Variants in CCDC158 observed in about 807,000 individuals in gnomAD.
The protein encoded by CCDC158 is coiled-coil domain-containing protein 158.
In CCDC158, 116 loss-of-function variants were observed where a neutral mutation model predicts 138.6. The observed-to-expected ratio is 0.84, with a 90% CI of 0.72 to 0.98. CCDC158 has a LOEUF of 0.98. Ranked by LOEUF, CCDC158 falls within the 50% of genes least tolerant of loss-of-function variation. CCDC158 has a pLI of 0.00. For missense variants in CCDC158, 1,265 were observed against 1,306.1 expected (o/e 0.97, Z 0.48); for synonymous variants, 436 against 442.4 (o/e 0.99, Z 0.18).
chr4:76,320,431 GA>G (rs1408298253), intron 24 of CCDC158, among the ~76,000 whole-genome samples: 1 of 151,996 alleles, frequency 6.6e-6, no homozygotes, highest in Non-Finnish European at 1.5e-5. Context: ...CACAGAACTG[GA>G]AAAAACATTC....
At chr4:76,377,690 T>G (rs1725843456) in intron 9 of CCDC158, among the ~76,000 whole-genome samples, 1 of 152,186 alleles carries the variant, frequency 6.6e-6, no homozygotes, top group Non-Finnish European at 1.5e-5. Context: ...GAGAAAAGCG[T>G]GTGTTCCTCT....
intron 18 of CCDC158, among the ~76,000 whole-genome samples, chr4:76,335,221 T>C (rs1333976737): frequency 6.6e-6 from 1 of 152,198 alleles, no homozygotes; most frequent in Non-Finnish European, 1.5e-5. Flanking sequence ...AAAACATTTG[T>C]CTCTAAAAAG....
chr4:76,370,183 C>T (rs987391172), intron 10 of CCDC158, among the ~76,000 whole-genome samples: 1 of 152,126 alleles, frequency 6.6e-6, no homozygotes, highest in Admixed American at 6.5e-5. Context: ...ACTCAAATGA[C>T]TTAGGATCCA....
intron 21 of CCDC158, 72 bp from the exon 22 acceptor site, chr4:76,329,039 A>C: frequency 8.3e-7 from 1 of 1,210,862 alleles, no homozygotes; most frequent in Non-Finnish European, 1.2e-6. Flanking sequence ...AGATAGAAGC[A>C]AGTGAACACA....
rs1726539531 is a variant in CCDC158 at position 76,384,090 on chromosome 4, G to A, written c.724C>T (p.Pro242Ser). Reference protein sequence around the residue: ...EISYLKGRIFPVEDQLEALKS... With the variant: ...EISYLKGRIFSVEDQLEALKS... The stretch of plus-strand genomic sequence containing the variant: ...TAAGTAGCATTCTCACCACTTACTG[G>A]AAATATCCTCCCTTTAAGATAAGAA... The change falls in exon 6 of 25, where the codon CCA (proline) becomes TCA (serine). Residue 242 changes from proline (P) to serine (S), a missense_variant and splice_region_variant. By Grantham distance (74) the Pro-to-Ser change is moderately conservative. Transcript: ENST00000682701. 24 of 1,583,390 alleles carry A rather than the reference G, an allele frequency of 1.5e-5. No homozygotes were observed. The highest frequency in any genetic ancestry group is 2.1e-5 in the Non-Finnish European group (24 of 1,157,266).
At chr4:76,335,934 C>A (rs1721442895) in intron 18 of CCDC158, among the ~76,000 whole-genome samples, 1 of 151,742 alleles carries the variant, frequency 6.6e-6, no homozygotes, top group African/African-American at 2.4e-5. Flanking sequence ...GTAATCCCAG[C>A]ACTTTGGGAG....
intron 8 of CCDC158, among the ~76,000 whole-genome samples, 162 bp downstream of exon 8, chr4:76,382,448 C>T (rs894099835): frequency 1.3e-5 from 2 of 151,660 alleles, no homozygotes; most frequent in South Asian, 4.1e-4. Context: ...GATAACAGTA[C>T]CTATGTTACA....
At chr4:76,404,422 C>A (rs568988942) in intron 2 of CCDC158, among the ~76,000 whole-genome samples, 1 of 152,200 alleles carries the variant, frequency 6.6e-6, no homozygotes, top group African/African-American at 2.4e-5. Context: ...ACATAATACT[C>A]CAAACTGAAC....
chr4:76,346,087 A>C (rs111283204), intron 18 of CCDC158, among the ~76,000 whole-genome samples: 1,736 of 152,330 alleles, frequency 0.011, 30 homozygotes, highest in African/African-American at 0.04. Flanking sequence ...ATAACGCCAC[A>C]CATCTACAAC....
intron 24 of CCDC158, among the ~76,000 whole-genome samples, chr4:76,319,075 A>G (rs1719693817): frequency 6.6e-6 from 1 of 152,116 alleles, no homozygotes; most frequent in Non-Finnish European, 1.5e-5. Context: ...GATGAAGACC[A>G]TCCTGGCTAA....
intron 3 of CCDC158, among the ~76,000 whole-genome samples, chr4:76,399,780 T>C (rs1451262686): frequency 6.6e-6 from 1 of 152,114 alleles, no homozygotes; most frequent in Non-Finnish European, 1.5e-5. Flanking sequence ...ATGTTTTTAT[T>C]GATGGAAAGG....
intron 2 of CCDC158, among the ~76,000 whole-genome samples, chr4:76,406,364 G>A (rs960408921): frequency 9.8e-5 from 15 of 152,294 alleles, no homozygotes; most frequent in African/African-American, 2.4e-4. Context: ...AACTGCAAAC[G>A]CAGTAATAAT....
rs776222127 is a variant in CCDC158 at position 76,379,323 on chromosome 4, T to A, written c.996A>T (p.Glu332Asp). The A allele has an allele frequency of 1.2e-6, 2 of 1,609,528 alleles. No homozygotes were observed. Among genetic ancestry groups the A allele is most frequent in the Non-Finnish European group, 8.5e-7 (1 of 1,178,496 alleles). The change falls in exon 9 of 25, where the codon GAA becomes GAT. Residue 332 changes from glutamate to aspartate, a missense_variant. Glu to Asp is a conservative substitution (Grantham distance 45). Coordinates refer to ENST00000682701, the MANE Select transcript of CCDC158 (RefSeq NM_001394954.1). The part of the protein sequence containing the change: ...LESTVSQLRS[E>D]LREAKRMYED... ...CATACATCCTTTTGGCTTCCCTTAA[T>A]TCAGAACGTAGCTGAGAAACAGTAG...
In CCDC158 at chr4:76,369,496, A is replaced by G. The variant is rs1199183007; in HGVS notation, c.1277T>C (p.Met426Thr). 1 of 1,614,020 alleles carries G rather than the reference A, an allele frequency of 6.2e-7. No individual in the cohort carries two copies. Among genetic ancestry groups the G allele is most frequent in the Non-Finnish European group, 8.5e-7 (1 of 1,179,992 alleles). ...CAGGGCTTCCAGGCGCTGCACCTCCATGTTCCGGTTGTCCAGTTCCCGCCG... is the reference window on the plus strand; with the variant it reads ...CAGGGCTTCCAGGCGCTGCACCTCCGTGTTCCGGTTGTCCAGTTCCCGCCG... ...HLRRELDNRNMEVQRLEALLK... is the reference protein window; with the variant it reads ...HLRRELDNRNTEVQRLEALLK... Residue 426 changes from methionine (M) to threonine (T), a missense_variant, in exon 11 of 25, where the codon ATG (methionine) becomes ACG (threonine). Transcript: ENST00000682701.
Position 76,384,413 on chromosome 4 carries a change from C to T in CCDC158, c.401G>A (p.Arg134Gln), listed in dbSNP as rs80162610. Residue 134 changes from arginine to glutamine, a missense_variant and splice_region_variant, in exon 6 of 25, where the codon CGA becomes CAA. By Grantham distance (43) the Arg-to-Gln change is conservative. Transcript: ENST00000682701. ...ATCCTCCTGGGACTGACTCTCCCTTCGTCTATGAAATAAATGAAAGAAAAT... is the reference window on the plus strand; with the variant it reads ...ATCCTCCTGGGACTGACTCTCCCTTTGTCTATGAAATAAATGAAAGAAAAT... ...MERDAMADIRRRESQSQEDLR... is the reference protein window; with the variant it reads ...MERDAMADIRQRESQSQEDLR... 53,109 of 1,605,438 alleles carry T rather than the reference C, an allele frequency of 0.033. 1,036 individuals carry two copies. Among genetic ancestry groups the T allele is most frequent in the Middle Eastern group, 0.058 (349 of 6,020 alleles).
intron 2 of CCDC158, among the ~76,000 whole-genome samples, chr4:76,408,174 A>G (rs930943784): frequency 1.2e-4 from 18 of 149,518 alleles, no homozygotes; most frequent in East Asian, 5.8e-4. Context: ...TTATATACAT[A>G]TATGTATATA....
In CCDC158 at chr4:76,319,076, T is replaced by C. The variant is rs190242300; in HGVS notation, c.3277+4226A>G. 6.7e-3 allele frequency among the ~76,000 whole-genome samples: 1,017 copies of C among 152,092 alleles called. 2 individuals are homozygous for C. Among genetic ancestry groups the C allele is most frequent in the Non-Finnish European group, 0.01 (699 of 67,990 alleles). ...TCTTGAGGTCAGGAGATGAAGACCA[T>C]CCTGGCTAACACAGTGAAACCCTGT... On this transcript the variant is annotated intron_variant, in intron 24 of 24. Transcript: ENST00000682701.
intron 18 of CCDC158, among the ~76,000 whole-genome samples, chr4:76,343,237 A>C (rs1300428502): frequency 6.6e-6 from 1 of 152,150 alleles, no homozygotes; most frequent in African/African-American, 2.4e-5. Flanking sequence ...ATCCCTCTTT[A>C]GGGAAACTGA....
chr4:76,420,018 C>T (rs925917033), intron 1 of CCDC158, among the ~76,000 whole-genome samples: 1 of 150,652 alleles, frequency 6.6e-6, no homozygotes, highest in Non-Finnish European at 1.5e-5. Flanking sequence ...AAATAAATTG[C>T]TGTCCTCAAT....
Sources: gnomAD v4.1 joint callset for allele counts (sites outside exome capture counted in the v4.1 genomes callset) on GRCh38, gnomAD v4.1.1 for gene constraint, MANE v1.5 for transcripts, NCBI Gene and HGNC (gene_info 2026-07-23, HGNC 2026-07-21) for gene names.